Variants in WDR7 observed in about 807,000 individuals in gnomAD.
The protein encoded by WDR7 is WD repeat-containing protein 7.
Under a neutral mutation model 169.4 loss-of-function variants are expected in WDR7, and 46 were observed. That is an observed-to-expected ratio of 0.27 (90% CI 0.21 to 0.35). The LOEUF (loss-of-function observed/expected upper bound fraction) is 0.35, where lower values mean the gene tolerates loss of function less well. Ranked by LOEUF, WDR7 falls within the 10% of genes least tolerant of loss-of-function variation. WDR7 has a pLI of 1.00. For synonymous variants in WDR7, 612 were observed against 666.8 expected, an observed-to-expected ratio of 0.92 and a Z score of 1.27; for missense variants, 1,534 against 1,859.3, an observed-to-expected ratio of 0.83 and a Z score of 3.22.
At chr18:56,878,886 A>T (rs1490647333) in intron 20 of WDR7, among the ~76,000 whole-genome samples, 2 of 152,168 alleles carry the variant, frequency 1.3e-5, no homozygotes, top group Non-Finnish European at 2.9e-5. Context: ...ATGTATCATT[A>T]CTTCATTCCT....
Position 56,832,346 on chromosome 18 carries a change from A to G in WDR7, c.3304+16202A>G, listed in dbSNP as rs2045326053. Among the ~76,000 whole-genome samples, 5 of 152,268 alleles carry G rather than the reference A, an allele frequency of 3.3e-5. No homozygotes were observed. The South Asian group carries it at 1.0e-3, about 32-fold the overall frequency. ...AGAAAAGCAGCAGCCCCACTCAGAG[A>G]CTTTAGATAAAACTCCCATCTCCTT... On this transcript the variant is annotated intron_variant, in intron 20 of 27. Coordinates refer to ENST00000254442, the MANE Select transcript of WDR7 (RefSeq NM_015285.3).
At chr18:56,901,459 C>A (rs905433668) in intron 21 of WDR7, among the ~76,000 whole-genome samples, 1 of 152,044 alleles carries the variant, frequency 6.6e-6, no homozygotes, top group African/African-American at 2.4e-5. Flanking sequence ...AGAGTAAGCA[C>A]AACTAACTCC....
intron 7 of WDR7, among the ~76,000 whole-genome samples, chr18:56,688,327 A>G (rs2025487277): frequency 6.6e-6 from 1 of 152,144 alleles, no homozygotes; most frequent in Non-Finnish European, 1.5e-5. Context: ...CACTTACTAT[A>G]TTAGAATAAA....
chr18:56,837,965 C>G (rs1419304586), intron 20 of WDR7, among the ~76,000 whole-genome samples: 6 of 152,120 alleles, frequency 3.9e-5, no homozygotes, highest in African/African-American at 1.4e-4. Flanking sequence ...TACTACTATT[C>G]CATAACTAAG....
rs979517865 is a variant in WDR7 at position 56,919,616 on chromosome 18, T to C, written c.3527-4306T>C. Among the ~76,000 whole-genome samples, 3 of 152,330 alleles carry C rather than the reference T, an allele frequency of 2.0e-5. No individual in the cohort carries two copies. In the South Asian group the frequency reaches 6.2e-4, roughly 32 times the overall value. ...TTGGTAGTGTCATGAATACAGCATG[T>C]TCACAAGGATATAAATTGTGTACTA... On this transcript the variant is annotated intron_variant, in intron 21 of 27. Coordinates refer to ENST00000254442, the MANE Select transcript of WDR7 (RefSeq NM_015285.3).
At chr18:57,005,661 C>A (rs963995431) in intron 26 of WDR7, among the ~76,000 whole-genome samples, 1 of 151,778 alleles carries the variant, frequency 6.6e-6, no homozygotes, top group African/African-American at 2.4e-5. Context: ...TTTTTAGTTT[C>A]TTTTTTTATA....
At chr18:56,722,821 A>G (rs888381249) in intron 13 of WDR7, among the ~76,000 whole-genome samples, 3 of 151,876 alleles carry the variant, frequency 2.0e-5, no homozygotes, top group African/African-American at 4.8e-5. Context: ...CTTTTTTATT[A>G]TTTCCAGTGT....
At chr18:56,980,791 G>C (rs200523893) in intron 26 of WDR7, among the ~76,000 whole-genome samples, 1 of 152,064 alleles carries the variant, frequency 6.6e-6, no homozygotes, top group Non-Finnish European at 1.5e-5. Flanking sequence ...AAGATCTTAG[G>C]GTCCTTGAGG....
At chr18:56,953,414 G>GA in intron 25 of WDR7, among the ~76,000 whole-genome samples, 1 of 152,008 alleles carries the variant, frequency 6.6e-6, no homozygotes, top group Non-Finnish European at 1.5e-5. Context: ...TCCAAAATTA[G>GA]AAAAAAACAA....
chr18:56,752,002 T>G (rs1174467586), intron 14 of WDR7, among the ~76,000 whole-genome samples: 1 of 152,194 alleles, frequency 6.6e-6, no homozygotes, highest in Non-Finnish European at 1.5e-5. Flanking sequence ...ACATTGCTGG[T>G]AGATAAATGT....
intron 19 of WDR7, among the ~76,000 whole-genome samples, chr18:56,802,698 T>G (rs780235758): frequency 3.3e-5 from 5 of 152,198 alleles, no homozygotes; most frequent in African/African-American, 4.8e-5. Context: ...TTCTTTGAAC[T>G]TACTGGATAG....
At chr18:56,906,913 C>G (rs573090937) in intron 21 of WDR7, among the ~76,000 whole-genome samples, 69 of 152,314 alleles carry the variant, frequency 4.5e-4, no homozygotes, top group African/African-American at 1.6e-3. Flanking sequence ...CACTGGCTGT[C>G]ACACAGAATA....
chr18:56,761,010 G>C (rs1394992213), intron 16 of WDR7, among the ~76,000 whole-genome samples: 2 of 151,800 alleles, frequency 1.3e-5, no homozygotes, highest in East Asian at 1.9e-4. Flanking sequence ...ATTTTCTTTT[G>C]TGAAGTAAAT....
At chr18:56,790,978 G>A (rs9959539) in intron 19 of WDR7, among the ~76,000 whole-genome samples, 4,010 of 152,046 alleles carry the variant, frequency 0.026, 71 homozygotes, top group African/African-American at 0.051. Flanking sequence ...TAGTGTTTTT[G>A]TAATTTTTCT....
chr18:56,958,738 T>G (rs77485854), intron 25 of WDR7, among the ~76,000 whole-genome samples: 1,887 of 152,248 alleles, frequency 0.012, 54 homozygotes, highest in African/African-American at 0.044. Flanking sequence ...ATTTCTTGAT[T>G]TCTGCCATTT....
intron 19 of WDR7, among the ~76,000 whole-genome samples, chr18:56,782,659 C>T (rs75782911): frequency 0.049 from 7,381 of 152,054 alleles, 600 homozygotes; most frequent in African/African-American, 0.17. Flanking sequence ...ACCAGTTATT[C>T]TTTGTAATGA....
At chr18:56,799,995 C>A (rs1205130604) in intron 19 of WDR7, among the ~76,000 whole-genome samples, 2 of 152,062 alleles carry the variant, frequency 1.3e-5, no homozygotes, top group African/African-American at 4.8e-5. Context: ...GAGTTGTAGC[C>A]TAAGAGTAGG....
chr18:56,962,616 TG>T, intron 26 of WDR7, 87 bp downstream of exon 26: 8 of 1,223,360 alleles, frequency 6.5e-6, no homozygotes, highest in South Asian at 1.3e-5. Context: ...GTTGACGTGC[TG>T]AGCTGCTGGA....
intron 1 of WDR7, among the ~76,000 whole-genome samples, chr18:56,664,038 T>C (rs114987620): frequency 9.8e-4 from 149 of 152,260 alleles, no homozygotes; most frequent in African/African-American, 3.6e-3. Flanking sequence ...AAATCAGCAA[T>C]GTCACACTAG....
Sources: allele counts gnomAD v4.1 joint callset (sites outside exome capture counted in the v4.1 genomes callset), GRCh38; gene constraint gnomAD v4.1.1; transcripts MANE v1.5; gene names NCBI Gene and HGNC (gene_info 2026-07-23, HGNC 2026-07-21).